CCDC102B: variants seen among roughly 807,000 people sequenced by gnomAD.
CCDC102B encodes coiled-coil domain-containing protein 102B.
A neutral mutation model predicts 57.4 loss-of-function variants in CCDC102B; 75 were observed. That is an observed-to-expected ratio of 1.31 (90% CI 1.08 to 1.58). The LOEUF (loss-of-function observed/expected upper bound fraction) is 1.58, where lower values mean the gene tolerates loss of function less well. Ranked by LOEUF, CCDC102B falls within the 40% of genes most tolerant of loss-of-function variation. The pLI, the probability that CCDC102B is intolerant of heterozygous loss-of-function variation, is 0.00. For synonymous variants in CCDC102B, 206 were observed against 201.9 expected (o/e 1.02, Z -0.17); for missense variants, 636 against 582.6 (o/e 1.09, Z -0.94).
chr18:68,715,464 C>A (rs1368599082), intron 1 of CCDC102B: 1 of 162,662 alleles, frequency 6.1e-6, no homozygotes, highest in African/African-American at 2.4e-5. Context: ...GGATCAAATT[C>A]CTGGAAAGAG....
chr18:69,027,586 G>C (rs375586760), intron 7 of CCDC102B, among the ~76,000 whole-genome samples: 2 of 151,556 alleles, frequency 1.3e-5, no homozygotes, highest in East Asian at 1.9e-4. Context: ...CTGACAGTTT[G>C]TTTAAAATCT....
At chr18:68,738,005 T>G (rs1319704275) in intron 2 of CCDC102B, among the ~76,000 whole-genome samples, 1 of 152,150 alleles carries the variant, frequency 6.6e-6, no homozygotes, top group Non-Finnish European at 1.5e-5. Flanking sequence ...ATTTTACATT[T>G]TGAGGACCAT....
At chr18:68,904,663 T>G (rs960866461) in intron 6 of CCDC102B, among the ~76,000 whole-genome samples, 1 of 152,258 alleles carries the variant, frequency 6.6e-6, no homozygotes, top group South Asian at 2.1e-4. Context: ...TGTAATATGA[T>G]TGCTCATGCC....
At chr18:69,042,729 G>A (rs2052464060) in intron 7 of CCDC102B, among the ~76,000 whole-genome samples, 1 of 152,006 alleles carries the variant, frequency 6.6e-6, no homozygotes. Context: ...TTTGAGTGTA[G>A]GGAGTTTATT....
chr18:69,029,100 A>T (rs1402841252), intron 7 of CCDC102B, among the ~76,000 whole-genome samples: 1 of 152,166 alleles, frequency 6.6e-6, no homozygotes, highest in African/African-American at 2.4e-5. Context: ...TGATGGTCTA[A>T]GTATGGAGAA....
At chr18:68,799,368 A>C (rs950175482) in intron 1 of CCDC102B, among the ~76,000 whole-genome samples, 2 of 152,078 alleles carry the variant, frequency 1.3e-5, no homozygotes, top group African/African-American at 4.8e-5. Flanking sequence ...TCTCTTTTGC[A>C]TCCTTCATAT....
chr18:68,975,371 C>A (rs1245318632), intron 6 of CCDC102B, among the ~76,000 whole-genome samples: 1 of 151,786 alleles, frequency 6.6e-6, no homozygotes, highest in Non-Finnish European at 1.5e-5. Flanking sequence ...AATTATAGAG[C>A]AATTTATTAT....
chr18:69,010,387 T>C (rs1481638929), intron 6 of CCDC102B, among the ~76,000 whole-genome samples: 1 of 152,138 alleles, frequency 6.6e-6, no homozygotes, highest in Non-Finnish European at 1.5e-5. Context: ...ACAAGACTGA[T>C]TTGCAGTCTA....
At chr18:68,747,943 T>G (rs1204382914) in intron 2 of CCDC102B, among the ~76,000 whole-genome samples, 1 of 152,160 alleles carries the variant, frequency 6.6e-6, no homozygotes, top group African/African-American at 2.4e-5. Context: ...ACCTCTATTC[T>G]GTTTTCCCTA....
In CCDC102B at chr18:69,006,420, T is replaced by C. The variant is rs1240352367; in HGVS notation, c.1264-4514T>C. Among the ~76,000 whole-genome samples the C allele has an allele frequency of 2.8e-5, 4 of 140,666 alleles. No individual in the cohort carries two copies. In the East Asian group the frequency reaches 1.1e-3, roughly 39 times the overall value. The allele number at this position is 140,666 out of a possible 152,430, so 92.3% of individuals were successfully genotyped here. A position where few individuals can be genotyped will look rare whatever the true frequency, so the allele number is the denominator to read the frequency against. ...TTATTTATTTATTTATTTATTTATT[T>C]ATTTATTTATTTATTTATTTTGAGA... is the stretch of plus-strand genomic sequence containing the variant. On this transcript the variant is annotated intron_variant, in intron 6 of 7. Coordinates refer to ENST00000360242, the MANE Select transcript of CCDC102B (RefSeq NM_024781.3).
At chr18:68,826,206 C>A (rs545011237) in intron 1 of CCDC102B, among the ~76,000 whole-genome samples, 1 of 152,310 alleles carries the variant, frequency 6.6e-6, no homozygotes, top group East Asian at 1.9e-4. Context: ...TAATTGAATC[C>A]TCTGGCCCTG....
chr18:68,723,157 C>T (rs535478225), intron 2 of CCDC102B, among the ~76,000 whole-genome samples: 73 of 152,152 alleles, frequency 4.8e-4, no homozygotes, highest in African/African-American at 1.7e-3. Flanking sequence ...TTAAAAATAT[C>T]GGATCTTGTG....
intron 6 of CCDC102B, among the ~76,000 whole-genome samples, chr18:68,988,397 G>GCGGA (rs2050777590): frequency 2.5e-4 from 1 of 4,016 alleles, no homozygotes; most frequent in Non-Finnish European, 4.3e-4. Flanking sequence ...CTGCTAGAGT[G>GCGGA]CGGAGGGTGG....
At chr18:69,009,479 T>C (rs184996679) in intron 6 of CCDC102B, among the ~76,000 whole-genome samples, 1 of 152,250 alleles carries the variant, frequency 6.6e-6, no homozygotes, top group Admixed American at 6.5e-5. Flanking sequence ...CGAATTGATG[T>C]GCCTCTAATT....
chr18:68,773,932 A>G (rs2034725930), intron 2 of CCDC102B, among the ~76,000 whole-genome samples: 1 of 151,998 alleles, frequency 6.6e-6, no homozygotes, highest in Non-Finnish European at 1.5e-5. Context: ...TTAAGAGTAA[A>G]AACATTTGCA....
At chr18:68,832,375 T>C (rs1599533097) in intron 1 of CCDC102B, among the ~76,000 whole-genome samples, 1 of 152,266 alleles carries the variant, frequency 6.6e-6, no homozygotes, top group East Asian at 1.9e-4. Flanking sequence ...AAGTTGTGAT[T>C]GTTAGTTTGG....
At chr18:69,018,866 A>T (rs1303468468) in intron 7 of CCDC102B, among the ~76,000 whole-genome samples, 1 of 152,036 alleles carries the variant, frequency 6.6e-6, no homozygotes, top group Non-Finnish European at 1.5e-5. Context: ...ATTTTTCCCT[A>T]GGTTTTCTTC....
intron 6 of CCDC102B, among the ~76,000 whole-genome samples, chr18:68,910,369 G>A (rs1477175782): frequency 6.6e-6 from 1 of 152,148 alleles, no homozygotes; most frequent in Non-Finnish European, 1.5e-5. Context: ...CTCTTTTTAG[G>A]ATGTTTAGAT....
At chr18:68,893,962 G>A (rs1474161197) in intron 5 of CCDC102B, among the ~76,000 whole-genome samples, 2 of 151,924 alleles carry the variant, frequency 1.3e-5, no homozygotes, top group Admixed American at 6.6e-5. Context: ...CATTTTTCTT[G>A]CTTTCTGTGC....
Sources: gnomAD v4.1 joint callset for allele counts (sites outside exome capture counted in the v4.1 genomes callset) on GRCh38, gnomAD v4.1.1 for gene constraint, MANE v1.5 for transcripts, NCBI Gene and HGNC (gene_info 2026-07-23, HGNC 2026-07-21) for gene names.